Variants in IL16 observed in about 807,000 individuals in gnomAD.
IL16 encodes pro-interleukin-16.
A neutral mutation model predicts 110.1 loss-of-function variants in IL16; 67 were observed. The observed-to-expected ratio is 0.61, with a 90% CI of 0.50 to 0.75. The LOEUF (loss-of-function observed/expected upper bound fraction) is 0.75. Ranked by LOEUF, IL16 falls within the 30% of genes least tolerant of loss-of-function variation. IL16 has a pLI of 0.00. For synonymous variants in IL16, 689 were observed against 662.9 expected (o/e 1.04, Z -0.61); for missense variants, 1,545 against 1,655.0 (o/e 0.93, Z 1.15).
chr15:81,269,692 C>T, intron 5 of IL16, 44 bp downstream of exon 5: 1 of 1,388,860 alleles, frequency 7.2e-7, no homozygotes, highest in Non-Finnish European at 1.0e-6. Flanking sequence ...GGGGGCAGCA[C>T]CAGTCTCCAA....
chr15:81,279,778 G>A lies in IL16; in HGVS notation c.1081+4G>A. 1.9e-6 allele frequency: 3 copies of A among 1,613,232 alleles called. No individual in the cohort carries two copies. Among genetic ancestry groups the A allele is most frequent in the Non-Finnish European group, 2.5e-6 (3 of 1,179,210 alleles). ...GTGGAGGTTTCTCTGCAGAAAGGTA[G>A]GAGTGCTGCAGCTGTGTCCCGTGCC... On this transcript the variant is annotated splice_donor_region_variant and intron_variant, in intron 8 of 18. Coordinates refer to ENST00000683961, the MANE Select transcript of IL16 (RefSeq NM_172217.5).
In IL16 at chr15:81,225,780, G is replaced by A. The variant is rs1896770218; in HGVS notation, c.312+69G>A. On this transcript the variant is annotated intron_variant, in intron 2 of 18. Transcript: ENST00000683961. ...TCTGGTGCTGTGAATTAAAGTCTTT[G>A]AATCCATTTATTCAAAAATCATGAA... 3.0e-6 allele frequency: 4 copies of A among 1,311,560 alleles called. No individual in the cohort carries two copies. The African/African-American group carries it at 4.5e-5, about 15-fold the overall frequency. The allele number at this position is 1,311,560 out of a possible 1,614,324, so 81.2% of individuals were successfully genotyped here.
intron 1 of IL16, among the ~76,000 whole-genome samples, chr15:81,197,881 A>T (rs1181118866): frequency 2.6e-5 from 4 of 152,062 alleles, no homozygotes; most frequent in Non-Finnish European, 1.5e-5. Flanking sequence ...AGGCTGAGCC[A>T]TACAAAGACG....
chr15:81,272,906 TTTG>T (rs1262010927), intron 5 of IL16, among the ~76,000 whole-genome samples, 181 bp from the exon 6 acceptor site: 1 of 145,800 alleles, frequency 6.9e-6, no homozygotes, highest in East Asian at 1.9e-4. Flanking sequence ...TCTTCCTATT[TTTG>T]TTGTTGTTGT....
chr15:81,211,617 G>C (rs1368566519), intron 1 of IL16, among the ~76,000 whole-genome samples: 1 of 152,008 alleles, frequency 6.6e-6, no homozygotes, highest in Non-Finnish European at 1.5e-5. Flanking sequence ...TTAACTCCTG[G>C]GCTTAAGCAA....
In IL16 at chr15:81,266,618, G is replaced by A. The variant is rs150320679; in HGVS notation, c.564+817G>A. 6.0e-3 allele frequency among the ~76,000 whole-genome samples: 918 copies of A among 152,286 alleles called. 15 individuals carry two copies. Among genetic ancestry groups the A allele is most frequent in the African/African-American group, 0.021 (881 of 41,538 alleles). ...GGTCACACAGCGCCCTCTGTCTGTA[G>A]CATCTCACCCCTCCTTCTCTGATCT... is the stretch of plus-strand genomic sequence containing the variant. On this transcript the variant is annotated intron_variant, in intron 4 of 18. Coordinates refer to ENST00000683961, the MANE Select transcript of IL16 (RefSeq NM_172217.5).
chr15:81,279,276 TATCTATTCATCCATCTATCTATCCATCC>T (rs1410746468), intron 7 of IL16, among the ~76,000 whole-genome samples: 14 of 152,132 alleles, frequency 9.2e-5, no homozygotes, highest in East Asian at 5.8e-4. Context: ...TATCTATCTC[TATCTATTCATCCATCTATCTATCCATCC>T]ATCTATTCAT....
At chr15:81,291,986 A>C (rs1474539414) in intron 11 of IL16, 3 of 456,020 alleles carry the variant, frequency 6.6e-6, no homozygotes, top group South Asian at 1.5e-5. Flanking sequence ...GTCTGCAGGC[A>C]GTGTCCTGGG....
chr15:81,232,502 G>A (rs2142068570), intron 2 of IL16, among the ~76,000 whole-genome samples: 2 of 152,118 alleles, frequency 1.3e-5, no homozygotes, highest in South Asian at 4.2e-4. Flanking sequence ...TTAGATTAAG[G>A]AAGTTTGCCT....
At chr15:81,222,627 A>T (rs1269299136) in intron 1 of IL16, among the ~76,000 whole-genome samples, 2 of 151,936 alleles carry the variant, frequency 1.3e-5, no homozygotes, top group South Asian at 2.1e-4. Context: ...CCCCATGTTT[A>T]TATCTTTCCT....
At chr15:81,228,428 C>T (rs1595969723) in intron 2 of IL16, among the ~76,000 whole-genome samples, 1 of 150,852 alleles carries the variant, frequency 6.6e-6, no homozygotes, top group East Asian at 2.0e-4. Context: ...TCAAGTGATT[C>T]TCCTGCCTCA....
intron 2 of IL16, among the ~76,000 whole-genome samples, chr15:81,255,361 A>G (rs1897908705): frequency 6.6e-6 from 1 of 152,230 alleles, no homozygotes; most frequent in African/African-American, 2.4e-5. Context: ...TCAATTTCAC[A>G]AAACTGTCAA....
At chr15:81,279,265 C>T (rs1178320844) in intron 7 of IL16, among the ~76,000 whole-genome samples, 1 of 152,042 alleles carries the variant, frequency 6.6e-6, no homozygotes, top group African/African-American at 2.4e-5. Flanking sequence ...ATCAATCTAT[C>T]TATCTATCTC....
chr15:81,305,505 T>A lies in IL16; in HGVS notation c.3421-403T>A, dbSNP rs557288128. 9.2e-5 allele frequency among the ~76,000 whole-genome samples: 14 copies of A among 152,230 alleles called. No individual in the cohort carries two copies. The South Asian group carries it at 2.5e-3, about 27-fold the overall frequency. ...ACTGGGAGACCCTGTCTCTATTTTT[T>A]AAAAAATAATAGGAAAAGCCTTTTT... On this transcript the variant is annotated intron_variant, in intron 16 of 18. Coordinates refer to ENST00000683961, the MANE Select transcript of IL16 (RefSeq NM_172217.5).
intron 2 of IL16, among the ~76,000 whole-genome samples, chr15:81,242,945 A>AT (rs961033158): frequency 2.0e-5 from 3 of 151,074 alleles, no homozygotes; most frequent in Non-Finnish European, 3.0e-5. Context: ...TGGTCAAAAA[A>AT]TTTTTTTGCA....
chr15:81,277,020 C>G (rs556810067), intron 6 of IL16, among the ~76,000 whole-genome samples: 1 of 128,402 alleles, frequency 7.8e-6, no homozygotes, highest in African/African-American at 3.1e-5. Flanking sequence ...AAGACAAGAC[C>G]GGAAACAGTA....
intron 2 of IL16, among the ~76,000 whole-genome samples, chr15:81,255,995 C>G (rs1309914483): frequency 6.6e-6 from 1 of 152,178 alleles, no homozygotes; most frequent in Non-Finnish European, 1.5e-5. Flanking sequence ...TATATTCTCT[C>G]TATGGAAAAT....
At chr15:81,254,654 T>G (rs1183792291) in intron 2 of IL16, among the ~76,000 whole-genome samples, 1 of 152,188 alleles carries the variant, frequency 6.6e-6, no homozygotes, top group African/African-American at 2.4e-5. Context: ...GAAATGATTT[T>G]GACAGCCCCT....
chr15:81,193,924 C>T (rs1441740447), upstream of IL16, among the ~76,000 whole-genome samples: 2 of 152,176 alleles, frequency 1.3e-5, no homozygotes, highest in Non-Finnish European at 2.9e-5. Context: ...CATTACATTA[C>T]TAGTTAAAAT....
Sources: allele counts gnomAD v4.1 joint callset (sites outside exome capture counted in the v4.1 genomes callset), GRCh38; gene constraint gnomAD v4.1.1; transcripts MANE v1.5; gene names NCBI Gene and HGNC (gene_info 2026-07-23, HGNC 2026-07-21).